Variants in TRDN observed in about 807,000 individuals in gnomAD.
TRDN encodes the protein triadin in skeletal muscle.
In TRDN, 161 loss-of-function variants were observed where a neutral mutation model predicts 149.7. That is an observed-to-expected ratio of 1.08 (90% CI 0.95 to 1.23). The LOEUF is 1.23. TRDN is among the 50% of genes most tolerant of loss of function. TRDN has a pLI of 0.00. For missense variants in TRDN, 896 were observed against 823.5 expected (o/e 1.09, Z -1.08); for synonymous variants, 294 against 250.5 (o/e 1.17, Z -1.64).
chr6:123,217,212 G>A lies in TRDN; in HGVS notation c.*1389C>T, dbSNP rs963908979. Reference sequence around the variant, plus strand: ...TCTCCAAAAATGCATTATTAGTAATGAATGTATTACTGATACCTAGCCTAA... The same window carrying A: ...TCTCCAAAAATGCATTATTAGTAATAAATGTATTACTGATACCTAGCCTAA... On this transcript the variant is annotated 3_prime_UTR_variant, in exon 41 of 41. Coordinates refer to ENST00000334268, the MANE Select transcript of TRDN (RefSeq NM_006073.4). 2 of 151,962 alleles carry A rather than the reference G, an allele frequency of 1.3e-5. No homozygotes were observed. The highest frequency in any genetic ancestry group is 4.8e-5 in the African/African-American group (2 of 41,406). 9.4% of individuals were successfully genotyped at this position (151,962 alleles called of 1,614,324 possible). A position where few individuals can be genotyped will look rare whatever the true frequency, so the allele number is the denominator to read the frequency against.
At chr6:123,373,701 T>A (rs1413545133) in intron 19 of TRDN, among the ~76,000 whole-genome samples, 1 of 152,172 alleles carries the variant, frequency 6.6e-6, no homozygotes, top group African/African-American at 2.4e-5. Context: ...CCCTTTAAAT[T>A]CAACATTATG....
At chr6:123,341,614 G>T (rs2114258098) in intron 21 of TRDN, among the ~76,000 whole-genome samples, 1 of 151,956 alleles carries the variant, frequency 6.6e-6, no homozygotes, top group Non-Finnish European at 1.5e-5. Flanking sequence ...GAACAATGTT[G>T]TCAGTACGTG....
chr6:123,496,261 G>C (rs1477321103), intron 9 of TRDN, among the ~76,000 whole-genome samples: 2 of 151,266 alleles, frequency 1.3e-5, no homozygotes, highest in East Asian at 3.9e-4. Flanking sequence ...ACATTTTCCG[G>C]AGTGCAAAGG....
chr6:123,562,404 G>A (rs186394527), intron 2 of TRDN, among the ~76,000 whole-genome samples: 2 of 152,274 alleles, frequency 1.3e-5, no homozygotes, highest in Admixed American at 1.3e-4. Flanking sequence ...AGGTCCTGAG[G>A]GCAGAGCCCT....
At chr6:123,433,303 C>A (rs186559538) in intron 12 of TRDN, among the ~76,000 whole-genome samples, 1 of 151,522 alleles carries the variant, frequency 6.6e-6, no homozygotes, top group Non-Finnish European at 1.5e-5. Context: ...TAACTTCCCA[C>A]CCCAACGCAT....
intron 1 of TRDN, among the ~76,000 whole-genome samples, chr6:123,618,630 A>C (rs1340548587): frequency 1.3e-5 from 2 of 152,220 alleles, no homozygotes; most frequent in Non-Finnish European, 2.9e-5. Context: ...ACTCTTCATC[A>C]GTAGACATTG....
At chr6:123,588,375 C>A (rs898735449) in intron 1 of TRDN, among the ~76,000 whole-genome samples, 4 of 152,108 alleles carry the variant, frequency 2.6e-5, no homozygotes, top group African/African-American at 9.7e-5. Context: ...TTAATGCTGG[C>A]AAGTTGCACC....
rs79953342 is a variant in TRDN at position 123,514,561 on chromosome 6, A to G, written c.550+1580T>C. On this transcript the variant is annotated intron_variant, in intron 6 of 40. Transcript: ENST00000334268. The stretch of plus-strand genomic sequence containing the variant: ...TCCGTTCACAAAGACAGAAAGCATA[A>G]TATTAACTGTGAAACAAATTCAGAA... Among the ~76,000 whole-genome samples the G allele has an allele frequency of 4.2e-3, 636 of 152,070 alleles. 7 individuals are homozygous for G. The highest frequency in any genetic ancestry group is 0.015 in the African/African-American group (603 of 41,488).
At chr6:123,443,826 T>C (rs1394033363) in intron 10 of TRDN, among the ~76,000 whole-genome samples, 3 of 149,264 alleles carry the variant, frequency 2.0e-5, no homozygotes, top group Non-Finnish European at 4.4e-5. Flanking sequence ...GATCAGATAG[T>C]TATAGATATG....
chr6:123,426,027 G>T (rs1180736563), intron 12 of TRDN, among the ~76,000 whole-genome samples: 1 of 152,044 alleles, frequency 6.6e-6, no homozygotes, highest in Non-Finnish European at 1.5e-5. Context: ...CAGGAGTGAT[G>T]CTCCTTAGTT....
chr6:123,289,037 G>GTA (rs745575578), intron 24 of TRDN, among the ~76,000 whole-genome samples: 25,195 of 144,632 alleles, frequency 0.17, 2,770 homozygotes, highest in East Asian at 0.53. Context: ...GTGTGTGTGT[G>GTA]TATATATATA....
At chr6:123,623,679 G>A (rs996435180) in intron 1 of TRDN, among the ~76,000 whole-genome samples, 2 of 152,116 alleles carry the variant, frequency 1.3e-5, no homozygotes, top group Non-Finnish European at 2.9e-5. Context: ...ATCTAGGGAT[G>A]TTGTTAAAAA....
In TRDN at chr6:123,530,492, A is replaced by G; in HGVS notation, c.484+14T>C. The G allele has an allele frequency of 8.2e-7, 1 of 1,223,376 alleles. No individual in the cohort carries two copies. The highest frequency in any genetic ancestry group is 3.2e-5 in the East Asian group (1 of 31,740). 75.8% of individuals were successfully genotyped at this position (1,223,376 alleles called of 1,614,324 possible). A position where few individuals can be genotyped will look rare whatever the true frequency, so the allele number is the denominator to read the frequency against. On this transcript the variant is annotated intron_variant, in intron 5 of 40. Coordinates refer to ENST00000334268, the MANE Select transcript of TRDN (RefSeq NM_006073.4). The stretch of plus-strand genomic sequence containing the variant: ...ATATCTAAATGAAGAATAAACATAA[A>G]ATGAAATGTTTACCTTTAGTTTGTA...
chr6:123,381,994 T>G (rs937841493), intron 15 of TRDN, 124 bp downstream of exon 15: 3 of 599,058 alleles, frequency 5.0e-6, no homozygotes, highest in Admixed American at 4.3e-5. Flanking sequence ...TCTCTCAATC[T>G]CAATCATTTT....
intron 12 of TRDN, among the ~76,000 whole-genome samples, chr6:123,424,149 T>C (rs1323082164): frequency 6.6e-6 from 1 of 152,160 alleles, no homozygotes; most frequent in African/African-American, 2.4e-5. Context: ...TCATCGTATT[T>C]ATATACCCTA....
intron 12 of TRDN, among the ~76,000 whole-genome samples, chr6:123,416,536 G>A (rs1333308987): frequency 1.3e-5 from 2 of 152,034 alleles, no homozygotes; most frequent in Non-Finnish European, 2.9e-5. Flanking sequence ...TGAAAACACA[G>A]CACCTTCCAT....
chr6:123,604,854 C>G (rs1294175610), intron 1 of TRDN, among the ~76,000 whole-genome samples: 3 of 151,938 alleles, frequency 2.0e-5, no homozygotes, highest in Admixed American at 1.3e-4. Context: ...TCATTCACCA[C>G]TACGGGAAAT....
chr6:123,261,462 G>C (rs1420754298), intron 33 of TRDN, among the ~76,000 whole-genome samples: 2 of 151,536 alleles, frequency 1.3e-5, no homozygotes, highest in South Asian at 4.1e-4. Context: ...TGTTCCTTCA[G>C]TAAACTTACA....
At chr6:123,349,309 A>G (rs537844978) in intron 21 of TRDN, among the ~76,000 whole-genome samples, 1 of 152,206 alleles carries the variant, frequency 6.6e-6, no homozygotes, top group South Asian at 2.1e-4. Flanking sequence ...CAAGGAGAGT[A>G]TCCTCGTTTT....
Sources: gnomAD v4.1 joint callset for allele counts (sites outside exome capture counted in the v4.1 genomes callset) on GRCh38, gnomAD v4.1.1 for gene constraint, MANE v1.5 for transcripts, NCBI Gene and HGNC (gene_info 2026-07-23, HGNC 2026-07-21) for gene names.